The following SPATA17 variants were observed in gnomAD, a reference collection of about 807,000 sequenced individuals.
SPATA17 encodes the protein spermatogenesis-associated protein 17.
SPATA17 carries 53 observed loss-of-function variants against 62.2 expected under a neutral mutation model. The observed-to-expected ratio is 0.85, with a 90% CI of 0.68 to 1.07. SPATA17 has a LOEUF of 1.07. Among genes scored for constraint, SPATA17 ranks in the 50% least tolerant of loss-of-function variants. The pLI, the probability that SPATA17 is intolerant of heterozygous loss-of-function variation, is 0.00. For synonymous variants in SPATA17, 146 were observed against 146.8 expected, an observed-to-expected ratio of 0.99 and a Z score of 0.04; for missense variants, 466 against 425.5, an observed-to-expected ratio of 1.10 and a Z score of -0.84.
At chr1:217,684,947 A>G (rs937128125) in intron 5 of SPATA17, among the ~76,000 whole-genome samples, 2 of 152,164 alleles carry the variant, frequency 1.3e-5, no homozygotes, top group Non-Finnish European at 2.9e-5. Context: ...AGAGCAGTTA[A>G]GGGGGGAAGG....
At chr1:217,667,470 A>G (rs984432113) in intron 3 of SPATA17, among the ~76,000 whole-genome samples, 4 of 152,110 alleles carry the variant, frequency 2.6e-5, no homozygotes, top group Non-Finnish European at 5.9e-5. Context: ...ACTTGATCTC[A>G]TTTTAGTCTT....
intron 5 of SPATA17, among the ~76,000 whole-genome samples, chr1:217,689,701 C>T (rs1438666768): frequency 6.6e-6 from 1 of 152,120 alleles, no homozygotes; most frequent in African/African-American, 2.4e-5. Context: ...TTCAATATCT[C>T]CTGGTTCTGA....
intron 3 of SPATA17, among the ~76,000 whole-genome samples, chr1:217,668,234 A>T (rs911263903): frequency 6.6e-6 from 1 of 152,194 alleles, no homozygotes; most frequent in African/African-American, 2.4e-5. Context: ...GTCATGAATT[A>T]TATTAATTTT....
chr1:217,862,179 G>A (rs989878868), intron 9 of SPATA17, among the ~76,000 whole-genome samples: 3 of 151,754 alleles, frequency 2.0e-5, no homozygotes, highest in Admixed American at 6.6e-5. Context: ...ATTCATTGTT[G>A]ATTTAGTGTA....
At chr1:217,644,829 A>G (rs1670144654) in intron 1 of SPATA17, among the ~76,000 whole-genome samples, 1 of 152,102 alleles carries the variant, frequency 6.6e-6, no homozygotes, top group Admixed American at 6.5e-5. Context: ...TTCATTTAGT[A>G]TTCATTGTGA....
At chr1:217,689,010 C>T (rs969449876) in intron 5 of SPATA17, among the ~76,000 whole-genome samples, 2 of 152,072 alleles carry the variant, frequency 1.3e-5, no homozygotes, top group Non-Finnish European at 2.9e-5. Context: ...CTTTGTCAAG[C>T]AGCTGCAATT....
At chr1:217,697,317 A>C (rs1671481686) in intron 5 of SPATA17, among the ~76,000 whole-genome samples, 1 of 152,188 alleles carries the variant, frequency 6.6e-6, no homozygotes, top group Non-Finnish European at 1.5e-5. Flanking sequence ...TTGTCCTTGC[A>C]AGATTTTCAT....
chr1:217,642,962 C>T (rs141198431), intron 1 of SPATA17, among the ~76,000 whole-genome samples: 87 of 152,240 alleles, frequency 5.7e-4, no homozygotes, highest in African/African-American at 2.0e-3. Flanking sequence ...TTCCAAAGAG[C>T]CTTTGTTTCT....
At chr1:217,818,742 A>T (rs554412774) in intron 9 of SPATA17, among the ~76,000 whole-genome samples, 36 of 151,958 alleles carry the variant, frequency 2.4e-4, no homozygotes, top group African/African-American at 8.4e-4. Context: ...AATATTTATT[A>T]GATTATAGTT....
intron 8 of SPATA17, among the ~76,000 whole-genome samples, chr1:217,786,750 T>TTTCTTCTTCTTCTTCTTCTTCTTCCTC (rs1673874657): frequency 9.3e-6 from 1 of 107,436 alleles, no homozygotes; most frequent in East Asian, 3.3e-4. Context: ...TGATATTCTC[T>TTTCTTCTTCTTCTTCTTCTTCTTCCTC]TTCTTCTTCT....
At position 217,801,738 on chromosome 1, in the gene SPATA17, A is replaced by G. The variant is rs1413523646; in HGVS notation, c.893A>G (p.Tyr298Cys). ...TTCAGGTTTTTGCCATTTTCTTCAT[A>G]CCATAAAAATGAAAAGTACATCCCA... is the stretch of plus-strand genomic sequence containing the variant. The part of the protein sequence containing the change: ...NDNMFLPFSS[Y>C]HKNEKYIPSM... Residue 298 changes from tyrosine to cysteine, a missense_variant, in exon 9 of 11, where the codon TAC (tyrosine) becomes TGC (cysteine). Tyr to Cys is a radical substitution (Grantham distance 194). Coordinates refer to ENST00000366933, the MANE Select transcript of SPATA17 (RefSeq NM_138796.4). 3 of 1,602,922 alleles carry G rather than the reference A, an allele frequency of 1.9e-6. No homozygotes were observed. Among genetic ancestry groups the G allele is most frequent in the South Asian group, 2.2e-5 (2 of 88,916 alleles).
chr1:217,848,576 T>C (rs1218514018), intron 9 of SPATA17, among the ~76,000 whole-genome samples: 1 of 152,182 alleles, frequency 6.6e-6, no homozygotes, highest in Non-Finnish European at 1.5e-5. Context: ...ACATCTCTTG[T>C]CGAAGTTTCT....
Position 217,683,325 on chromosome 1 carries a change from A to C in SPATA17, c.359A>C (p.Tyr120Ser). The C allele has an allele frequency of 6.2e-7, 1 of 1,610,564 alleles. No homozygotes were observed. The highest frequency in any genetic ancestry group is 1.7e-5 in the Admixed American group (1 of 59,490). Residue 120 changes from tyrosine to serine, a missense_variant, in exon 5 of 11, where the codon TAC (tyrosine) becomes TCC (serine). Physicochemically the swap from Tyr to Ser is moderately radical, Grantham distance 144. Coordinates refer to ENST00000366933, the MANE Select transcript of SPATA17 (RefSeq NM_138796.4). ...YLFNYYYLKE[Y>S]LKVVSETNDA... is the part of the protein sequence containing the mutation. Reference sequence around the variant, plus strand: ...TTTAATTATTATTATTTGAAAGAGTACCTGAAAGTCGTTTCAGAGACCAAT... The same window carrying C: ...TTTAATTATTATTATTTGAAAGAGTCCCTGAAAGTCGTTTCAGAGACCAAT...
At chr1:217,674,444 C>T (rs981757394) in intron 4 of SPATA17, among the ~76,000 whole-genome samples, 1 of 152,176 alleles carries the variant, frequency 6.6e-6, no homozygotes, top group African/African-American at 2.4e-5. Flanking sequence ...CTGTGCCTGG[C>T]TTGTGCTCCA....
intron 3 of SPATA17, among the ~76,000 whole-genome samples, chr1:217,668,631 C>T (rs1260528441): frequency 3.3e-5 from 5 of 152,158 alleles, no homozygotes; most frequent in South Asian, 2.1e-4. Flanking sequence ...TTAAACCAGA[C>T]GTCTTGAAAT....
intron 4 of SPATA17, among the ~76,000 whole-genome samples, chr1:217,671,418 A>G (rs1213766949): frequency 1.3e-5 from 2 of 152,138 alleles, no homozygotes; most frequent in Admixed American, 6.5e-5. Flanking sequence ...TGAAAGAAAA[A>G]TTCTTTTTGC....
At chr1:217,731,603 C>T (rs1390805458) in intron 5 of SPATA17, among the ~76,000 whole-genome samples, 1 of 152,090 alleles carries the variant, frequency 6.6e-6, no homozygotes, top group South Asian at 2.1e-4. Flanking sequence ...ATCTGATCAC[C>T]ATAATCTGTT....
At chr1:217,815,415 A>G (rs768697786) in intron 9 of SPATA17, among the ~76,000 whole-genome samples, 5 of 152,182 alleles carry the variant, frequency 3.3e-5, no homozygotes, top group African/African-American at 9.7e-5. Context: ...GTAGGCCCCT[A>G]TCAAACCATT....
rs758107508 is a variant in SPATA17 at position 217,631,493 on chromosome 1, T to C, written c.68+47T>C. The C allele has an allele frequency of 5.0e-5, 80 of 1,592,448 alleles. No homozygotes were observed. The Middle Eastern group carries it at 6.6e-4, about 13-fold the overall frequency. The stretch of plus-strand genomic sequence containing the variant: ...CGCGTAAAGGGCGGGCGTGACTTTA[T>C]ACCAGTTGTTCCTCAGCGGGAGTTT... On this transcript the variant is annotated intron_variant, in intron 1 of 10. Coordinates refer to ENST00000366933, the MANE Select transcript of SPATA17 (RefSeq NM_138796.4).
Sources: gnomAD v4.1 joint callset for allele counts (sites outside exome capture counted in the v4.1 genomes callset) on GRCh38, gnomAD v4.1.1 for gene constraint, MANE v1.5 for transcripts, NCBI Gene and HGNC (gene_info 2026-07-23, HGNC 2026-07-21) for gene names.